TANC2: variants seen among roughly 807,000 people sequenced by gnomAD.
The protein encoded by TANC2 is protein TANC2.
TANC2 carries 26 observed loss-of-function variants against 210.5 expected under a neutral mutation model. The ratio of observed to expected loss-of-function variants is 0.12; its 90% CI spans 0.09 to 0.17. The LOEUF (loss-of-function observed/expected upper bound fraction) is 0.17. Ranked by LOEUF, TANC2 falls within the 10% of genes least tolerant of loss-of-function variation. TANC2 has a pLI of 1.00. For synonymous variants in TANC2, 931 were observed against 967.1 expected (o/e 0.96, Z 0.69); for missense variants, 2,129 against 2,608.9 (o/e 0.82, Z 4.01).
chr17:63,395,802 T>C (rs200971383), exon 18 of TANC2: 6 of 1,613,472 alleles, frequency 3.7e-6, no homozygotes, highest in Non-Finnish European at 5.1e-6. Context: ...TCCGAGGTCA[T>C]CTGGAGGTTG....
intron 10 of TANC2, among the ~76,000 whole-genome samples, chr17:63,318,306 TAAAA>T (rs1307088363): frequency 1.3e-5 from 2 of 152,206 alleles, no homozygotes; most frequent in African/African-American, 4.8e-5. Context: ...ATTGAATTTT[TAAAA>T]AAATCTTAAA....
At chr17:63,003,241 G>A (rs1193708852) in intron 1 of TANC2, among the ~76,000 whole-genome samples, 3 of 152,090 alleles carry the variant, frequency 2.0e-5, no homozygotes, top group African/African-American at 7.2e-5. Context: ...TTGGGTGTGG[G>A]TCATTTATAT....
intron 9 of TANC2, among the ~76,000 whole-genome samples, chr17:63,307,808 C>A (rs964835771): frequency 3.9e-5 from 6 of 152,128 alleles, no homozygotes; most frequent in Non-Finnish European, 8.8e-5. Context: ...CTCTGTTGCC[C>A]AGGCAGGAGT....
At chr17:63,237,016 G>A (rs2042639260) in intron 7 of TANC2, among the ~76,000 whole-genome samples, 1 of 152,150 alleles carries the variant, frequency 6.6e-6, no homozygotes, top group Non-Finnish European at 1.5e-5. Flanking sequence ...CCCAGTGGTG[G>A]AATTGCTGGA....
chr17:63,245,905 G>A (rs946834122), intron 8 of TANC2, among the ~76,000 whole-genome samples: 2 of 151,402 alleles, frequency 1.3e-5, no homozygotes, highest in Non-Finnish European at 2.9e-5. Flanking sequence ...AGCTGCTCAG[G>A]AGACTGAGGC....
intron 4 of TANC2, among the ~76,000 whole-genome samples, chr17:63,145,268 A>G (rs1411454448): frequency 1.3e-5 from 2 of 152,140 alleles, no homozygotes; most frequent in Non-Finnish European, 2.9e-5. Flanking sequence ...AGGGTTAATA[A>G]GAAGGAAACA....
chr17:63,309,386 C>A (rs1046605209), intron 9 of TANC2, among the ~76,000 whole-genome samples: 1 of 151,986 alleles, frequency 6.6e-6, no homozygotes, highest in African/African-American at 2.4e-5. Context: ...TGCCAAAAAA[C>A]CGTATTTTTT....
intron 4 of TANC2, among the ~76,000 whole-genome samples, chr17:63,140,657 C>G (rs1439442823): frequency 6.6e-6 from 1 of 152,192 alleles, no homozygotes; most frequent in Admixed American, 6.5e-5. Context: ...GCCCACTGCG[C>G]TATGTAATTC....
intron 2 of TANC2, among the ~76,000 whole-genome samples, chr17:63,017,221 G>A (rs1489362299): frequency 2.0e-5 from 3 of 152,066 alleles, no homozygotes; most frequent in South Asian, 2.1e-4. Flanking sequence ...ACACCCTTGC[G>A]TTACTTATAG....
At chr17:63,159,909 G>T (rs114883450) in intron 5 of TANC2, among the ~76,000 whole-genome samples, 1,715 of 152,250 alleles carry the variant, frequency 0.011, 30 homozygotes, top group African/African-American at 0.038. Context: ...ACAAACTACT[G>T]TTCATATAGT....
intron 14 of TANC2, among the ~76,000 whole-genome samples, chr17:63,362,268 G>A (rs1312368150): frequency 6.6e-6 from 1 of 152,212 alleles, no homozygotes; most frequent in African/African-American, 2.4e-5. Flanking sequence ...TGAGTCCAGG[G>A]TTTTTATGGG....
chr17:63,121,586 A>C (rs1199588943), intron 4 of TANC2, among the ~76,000 whole-genome samples: 2 of 152,124 alleles, frequency 1.3e-5, no homozygotes, highest in Non-Finnish European at 2.9e-5. Flanking sequence ...TGCAAATCTC[A>C]TATTTCTTTA....
intron 11 of TANC2, among the ~76,000 whole-genome samples, chr17:63,335,559 G>A (rs1011957663): frequency 6.6e-6 from 1 of 151,310 alleles, no homozygotes; most frequent in Non-Finnish European, 1.5e-5. Flanking sequence ...GTTGCAGTGA[G>A]CCGAGATCGC....
At chr17:63,159,455 C>G (rs2039949895) in intron 5 of TANC2, among the ~76,000 whole-genome samples, 1 of 151,954 alleles carries the variant, frequency 6.6e-6, no homozygotes, top group Non-Finnish European at 1.5e-5. Context: ...AATCCATGAC[C>G]CCACTAATCA....
chr17:63,074,972 A>G (rs1333806546), intron 3 of TANC2, among the ~76,000 whole-genome samples: 2 of 152,102 alleles, frequency 1.3e-5, no homozygotes, highest in Non-Finnish European at 2.9e-5. Context: ...CTTTTTCTCC[A>G]AGTTTGCTCT....
intron 4 of TANC2, among the ~76,000 whole-genome samples, chr17:63,137,081 A>AT (rs2039115844): frequency 6.6e-6 from 1 of 152,236 alleles, no homozygotes; most frequent in African/African-American, 2.4e-5. Context: ...GGAGATTTTT[A>AT]TTTTTTATTT....
At chr17:62,989,141 C>G (rs1202705357) in intron 1 of TANC2, among the ~76,000 whole-genome samples, 2 of 152,168 alleles carry the variant, frequency 1.3e-5, no homozygotes, top group Non-Finnish European at 2.9e-5. Flanking sequence ...CTCTTTAATT[C>G]TCATTAACGG....
At chr17:63,381,347 T>C (rs959913954) in intron 15 of TANC2, 1 of 152,192 alleles carries the variant, frequency 6.6e-6, no homozygotes, top group Non-Finnish European at 1.5e-5. Flanking sequence ...GTGTACAGCA[T>C]ATGGTGGTGA....
chr17:63,252,656 G>T (rs12602457), intron 8 of TANC2, among the ~76,000 whole-genome samples: 15,453 of 151,990 alleles, frequency 0.1, 892 homozygotes, highest in Middle Eastern at 0.18. Flanking sequence ...GTCTTTCTGT[G>T]CCTGGCTTAT....
Sources: allele counts gnomAD v4.1 joint callset (sites outside exome capture counted in the v4.1 genomes callset), GRCh38; gene constraint gnomAD v4.1.1; transcripts MANE v1.5; gene names NCBI Gene and HGNC (gene_info 2026-07-23, HGNC 2026-07-21).